The following EIF2D variants were observed in gnomAD, a reference collection of about 807,000 sequenced individuals.
The protein encoded by EIF2D is hepatocellular carcinoma-associated antigen 56.
In EIF2D, 56 loss-of-function variants were observed where a neutral mutation model predicts 77.4. The ratio of observed to expected loss-of-function variants is 0.72; its 90% CI spans 0.58 to 0.90. The LOEUF (loss-of-function observed/expected upper bound fraction) is 0.90, where lower values mean the gene tolerates loss of function less well. EIF2D is among the 40% of genes least tolerant of loss of function. The pLI, the probability that EIF2D is intolerant of heterozygous loss-of-function variation, is 0.00. For missense variants in EIF2D, 574 were observed against 706.5 expected (o/e 0.81, Z 2.13); for synonymous variants, 230 against 271.0 (o/e 0.85, Z 1.49).
rs1488145909 is a variant in EIF2D, at chr1:206,591,944, G to A, written c.1685-99C>T. On this transcript the variant is annotated intron_variant, in intron 14 of 14. Transcript: ENST00000271764. Reference sequence around the variant, plus strand: ...TTGCCTCACAATGTCATTCCACCCAGCTCAAACTCAACTTCGGGACTGACC... The same window carrying A: ...TTGCCTCACAATGTCATTCCACCCAACTCAAACTCAACTTCGGGACTGACC... 5.9e-6 allele frequency: 7 copies of A among 1,192,218 alleles called. No homozygotes were observed. The African/African-American group carries it at 9.0e-5, about 15-fold the overall frequency. The allele number at this position is 1,192,218 out of a possible 1,614,324, so 73.9% of individuals were successfully genotyped here.
intron 4 of EIF2D, among the ~76,000 whole-genome samples, chr1:206,580,503 G>A (rs2103565130): frequency 6.6e-6 from 1 of 152,316 alleles, no homozygotes; most frequent in African/African-American, 2.4e-5. Context: ...TATAGGGGTA[G>A]GGCCAGGGTC....
intron 5 of EIF2D, among the ~76,000 whole-genome samples, chr1:206,604,390 C>T (rs782558292): frequency 4.6e-5 from 7 of 151,604 alleles, no homozygotes; most frequent in Non-Finnish European, 1.0e-4. Context: ...TTGCAGTGAG[C>T]TGAGATTGCG....
At chr1:206,602,494 A>T in intron 6 of EIF2D, 41 bp from the exon 7 acceptor site, 2 of 1,554,884 alleles carry the variant, frequency 1.3e-6, no homozygotes, top group Non-Finnish European at 1.8e-6. Flanking sequence ...CCTGAGGGAT[A>T]CAGAACACCT....
chr1:206,571,586 T>C (rs1479223926), intron 5 of EIF2D: 1 of 152,174 alleles, frequency 6.6e-6, no homozygotes, highest in Non-Finnish European at 1.5e-5. Context: ...AACACTAACG[T>C]ACAGAGAGTC....
chr1:206,589,341 G>T (rs1039295697), downstream of EIF2D: 15 of 152,764 alleles, frequency 9.8e-5, no homozygotes, highest in African/African-American at 3.4e-4. Context: ...GGGAGAGAGG[G>T]TGAGAATGGA....
In EIF2D at chr1:206,591,685, TG is replaced by T; in HGVS notation, c.*89del. 1 of 1,151,402 alleles carries T rather than the reference TG, an allele frequency of 8.7e-7. No homozygotes were observed. Among genetic ancestry groups the T allele is most frequent in the Non-Finnish European group, 1.3e-6 (1 of 773,904 alleles). The allele number at this position is 1,151,402 out of a possible 1,614,324, so 71.3% of individuals were successfully genotyped here. ...TTTATTTTTGTAAAGAATTATATTT[TG>T]TATTTGCAAAAGCTGAAAATGCTCA... is the stretch of plus-strand genomic sequence containing the variant. On this transcript the variant is annotated 3_prime_UTR_variant, in exon 15 of 15. Coordinates refer to ENST00000271764, the MANE Select transcript of EIF2D (RefSeq NM_006893.3).
rs1553412498 is a variant in EIF2D, at chr1:206,605,512, G to C, written c.423-5C>G. On this transcript the variant is annotated splice_region_variant and splice_polypyrimidine_tract_variant and intron_variant, in intron 4 of 14. Transcript: ENST00000271764. ...ACTCCAATGGCTACAGGGGCTCTAA[G>C]AAGAAGGAAGCCAGAGACCAGGGTC... 6.2e-7 allele frequency: 1 copy of C among 1,612,996 alleles called. No individual in the cohort carries two copies. The highest frequency in any genetic ancestry group is 8.5e-7 in the Non-Finnish European group (1 of 1,179,176).
At chr1:206,600,135 T>C (rs1669852067) in intron 8 of EIF2D, 128 bp downstream of exon 8, 1 of 952,234 alleles carries the variant, frequency 1.1e-6, no homozygotes, top group Middle Eastern at 2.2e-4. Flanking sequence ...CCCCTTATAC[T>C]TGGAGTCAAA....
At position 206,597,802 on chromosome 1, in the gene EIF2D, G is replaced by A. The variant is rs557058978; in HGVS notation, c.1293-607C>T. ...TCTACTAAAAATACAAAAATTAGCC[G>A]GGCATGGTGGCGCATCCCTGTAATT... On this transcript the variant is annotated intron_variant, in intron 11 of 14. Transcript: ENST00000271764. Among the ~76,000 whole-genome samples, 677 of 152,010 alleles carry A rather than the reference G, an allele frequency of 4.5e-3. 1 individual carries two copies. The highest frequency in any genetic ancestry group is 0.015 in the African/African-American group (635 of 41,508).
At chr1:206,586,721 G>T, downstream of EIF2D, 1 of 857,988 alleles carries the variant, frequency 1.2e-6, no homozygotes, top group Non-Finnish European at 1.9e-6. Context: ...GTGAATCACG[G>T]ATGTGAACTG....
At chr1:206,585,400 G>A in intron 2 of EIF2D, 1 of 810,674 alleles carries the variant, frequency 1.2e-6, no homozygotes, top group Non-Finnish European at 2.2e-6. Flanking sequence ...ACGCAGCACG[G>A]GCAGGAAGGT....
At chr1:206,600,208 A>G in intron 8 of EIF2D, 55 bp downstream of exon 8, 7 of 1,556,832 alleles carry the variant, frequency 4.5e-6, no homozygotes, top group Non-Finnish European at 6.2e-6. Flanking sequence ...GGCTTATGTC[A>G]TATGTGCCCC....
chr1:206,606,208 A>C (rs1364693764), intron 4 of EIF2D, among the ~76,000 whole-genome samples: 1 of 152,206 alleles, frequency 6.6e-6, no homozygotes, highest in Admixed American at 6.5e-5. Flanking sequence ...GTGGGGGAAT[A>C]ATACATAAGC....
At chr1:206,591,012 A>G (rs561396979), downstream of EIF2D, among the ~76,000 whole-genome samples, 3 of 152,322 alleles carry the variant, frequency 2.0e-5, no homozygotes, top group South Asian at 6.2e-4. Context: ...TCTCAGGAAA[A>G]TGATCGTACA....
intron 2 of EIF2D, chr1:206,585,121 G>C: frequency 7.6e-7 from 1 of 1,318,104 alleles, no homozygotes; most frequent in Non-Finnish European, 1.1e-6. Flanking sequence ...TTTCCCGCAA[G>C]CCTGGGCCCC....
At chr1:206,598,029 T>A (rs1179142389) in intron 11 of EIF2D, among the ~76,000 whole-genome samples, 3 of 152,072 alleles carry the variant, frequency 2.0e-5, no homozygotes, top group African/African-American at 7.3e-5. Flanking sequence ...ATGATGTTTT[T>A]TTAAAGTGAA....
intron 13 of EIF2D, chr1:206,595,434 A>C (rs1287302688): frequency 4.6e-6 from 1 of 216,188 alleles, no homozygotes; most frequent in African/African-American, 2.3e-5. Context: ...CTGAATGTCC[A>C]TAACATAGTT....
chr1:206,572,160 T>C (rs1267740129), intron 5 of EIF2D, among the ~76,000 whole-genome samples: 3 of 151,946 alleles, frequency 2.0e-5, no homozygotes, highest in Non-Finnish European at 4.4e-5. Flanking sequence ...TTACCTTACA[T>C]TTATTTTGGG....
chr1:206,583,437 C>A, intron 2 of EIF2D: 1 of 1,158,336 alleles, frequency 8.6e-7, no homozygotes, highest in Non-Finnish European at 1.3e-6. Flanking sequence ...TCGGGTTTGG[C>A]GCCTCTGCCC....
Sources: allele counts gnomAD v4.1 joint callset (sites outside exome capture counted in the v4.1 genomes callset), GRCh38; gene constraint gnomAD v4.1.1; transcripts MANE v1.5; gene names NCBI Gene and HGNC (gene_info 2026-07-23, HGNC 2026-07-21).